The following NCKAP5 variants were observed in gnomAD, a reference collection of about 807,000 sequenced individuals.
The protein encoded by NCKAP5 is nck-associated protein 5.
Under a neutral mutation model 167.0 loss-of-function variants are expected in NCKAP5, and 92 were observed. That is an observed-to-expected ratio of 0.55 (90% confidence interval 0.47 to 0.66). The LOEUF is 0.66. Ranked by LOEUF, NCKAP5 falls within the 30% of genes least tolerant of loss-of-function variation. The pLI is 0.00. For synonymous variants in NCKAP5, 891 were observed against 877.4 expected, an observed-to-expected ratio of 1.02 and a Z score of -0.27; for missense variants, 2,378 against 2,315.0, an observed-to-expected ratio of 1.03 and a Z score of -0.56.
At chr2:133,153,839 T>TTTTTC (rs2083469583) in intron 5 of NCKAP5, among the ~76,000 whole-genome samples, 1 of 148,216 alleles carries the variant, frequency 6.7e-6, no homozygotes, top group African/African-American at 2.5e-5. Context: ...CCTTCTTTTT[T>TTTTTC]TTTTTTTTTT....
chr2:133,143,560 G>A (rs1243193969), intron 5 of NCKAP5, among the ~76,000 whole-genome samples: 1 of 152,120 alleles, frequency 6.6e-6, no homozygotes, highest in Non-Finnish European at 1.5e-5. Flanking sequence ...CAGCCCTACT[G>A]ATGATACGTA....
chr2:133,592,495 A>G, the NCKAP5 span, among the ~76,000 whole-genome samples: 1 of 152,186 alleles, frequency 6.6e-6, no homozygotes, highest in Non-Finnish European at 1.5e-5. Context: ...CTGGAAAACA[A>G]TTTCTTGACT....
intron 3 of NCKAP5, among the ~76,000 whole-genome samples, chr2:133,365,323 G>A (rs1165545720): frequency 6.6e-6 from 1 of 152,164 alleles, no homozygotes; most frequent in Non-Finnish European, 1.5e-5. Context: ...GAAGCACATT[G>A]TCTGATAGAA....
At chr2:133,106,624 A>T (rs1488146054) in intron 6 of NCKAP5, among the ~76,000 whole-genome samples, 1 of 152,148 alleles carries the variant, frequency 6.6e-6, no homozygotes, top group African/African-American at 2.4e-5. Context: ...CTAAGTAATG[A>T]CTTTCTTCTT....
intron 6 of NCKAP5, among the ~76,000 whole-genome samples, chr2:133,065,343 T>C (rs2080154603): frequency 6.6e-6 from 1 of 152,212 alleles, no homozygotes; most frequent in Non-Finnish European, 1.5e-5. Context: ...ATAAAAATTG[T>C]TGGCCAGGCA....
chr2:133,600,481 C>T, the NCKAP5 span, among the ~76,000 whole-genome samples: 16 of 152,328 alleles, frequency 1.1e-4, no homozygotes, highest in South Asian at 1.5e-3. Context: ...AACAATGAGC[C>T]GTCGGGGCGC....
At chr2:132,794,255 TATATATATAGAGAGAGAGAGAGAGAG>T (rs1416396211) in intron 12 of NCKAP5, among the ~76,000 whole-genome samples, 4 of 49,020 alleles carry the variant, frequency 8.2e-5, no homozygotes, top group African/African-American at 2.5e-4. Context: ...TATATATATA[TATATATATAGAGAGAGAGAGAGAGAG>T]AGAGAGAGAG....
At chr2:132,757,390 T>C (rs1435908419) in intron 16 of NCKAP5, among the ~76,000 whole-genome samples, 1 of 152,200 alleles carries the variant, frequency 6.6e-6, no homozygotes, top group Non-Finnish European at 1.5e-5. Flanking sequence ...CATTAAAAAG[T>C]ACCCAGATCA....
intron 6 of NCKAP5, among the ~76,000 whole-genome samples, chr2:133,098,023 C>T (rs567593787): frequency 3.9e-5 from 6 of 152,120 alleles, no homozygotes; most frequent in Non-Finnish European, 7.3e-5. Flanking sequence ...ATGATCTCCT[C>T]AAAAGTTGCA....
At chr2:133,512,697 G>A (rs908175091) in intron 3 of NCKAP5, among the ~76,000 whole-genome samples, 4 of 152,200 alleles carry the variant, frequency 2.6e-5, no homozygotes, top group Non-Finnish European at 4.4e-5. Context: ...AATTCAATAT[G>A]AGGAAGAAGT....
At chr2:133,553,462 G>A (rs1400550713) in intron 2 of NCKAP5, among the ~76,000 whole-genome samples, 1 of 152,152 alleles carries the variant, frequency 6.6e-6, no homozygotes, top group Non-Finnish European at 1.5e-5. Context: ...ACAACTGCAG[G>A]GATTTGGAAA....
At chr2:132,979,470 T>C (rs1348706539) in intron 7 of NCKAP5, among the ~76,000 whole-genome samples, 1 of 152,098 alleles carries the variant, frequency 6.6e-6, no homozygotes, top group African/African-American at 2.4e-5. Flanking sequence ...CCATGCCTAC[T>C]TCCTCCCCAG....
At chr2:133,639,231 T>A in the NCKAP5 span, among the ~76,000 whole-genome samples, 1 of 152,174 alleles carries the variant, frequency 6.6e-6, no homozygotes, top group East Asian at 1.9e-4. Flanking sequence ...GAGTATAAAC[T>A]GATTCAGTAA....
chr2:133,216,348 C>T (rs946479771), intron 4 of NCKAP5, among the ~76,000 whole-genome samples: 5 of 151,940 alleles, frequency 3.3e-5, no homozygotes, highest in Non-Finnish European at 7.4e-5. Flanking sequence ...ATCTGGACTG[C>T]AGCAAGAGGA....
chr2:133,377,455 C>T (rs990141347), intron 3 of NCKAP5, among the ~76,000 whole-genome samples: 2 of 152,116 alleles, frequency 1.3e-5, no homozygotes, highest in African/African-American at 4.8e-5. Context: ...CTTCCTAAAC[C>T]TCATTAAGCA....
chr2:133,541,869 T>C (rs919414502), intron 2 of NCKAP5, among the ~76,000 whole-genome samples: 6 of 152,058 alleles, frequency 3.9e-5, no homozygotes, highest in Admixed American at 2.6e-4. Context: ...CCAAACCACT[T>C]TGCAAAACTA....
chr2:132,946,938 A>G (rs1697793422), intron 8 of NCKAP5, among the ~76,000 whole-genome samples: 1 of 152,180 alleles, frequency 6.6e-6, no homozygotes, highest in Admixed American at 6.5e-5. Flanking sequence ...TTATTACAGG[A>G]TGTATTTTTG....
At chr2:133,082,839 T>C (rs934338975) in intron 6 of NCKAP5, among the ~76,000 whole-genome samples, 9 of 152,186 alleles carry the variant, frequency 5.9e-5, no homozygotes, top group Non-Finnish European at 1.2e-4. Flanking sequence ...GAGAAAATAG[T>C]TGGTGCTTCG....
Position 133,400,190 on chromosome 2 carries a change from A to C in NCKAP5, c.70-97080T>G, listed in dbSNP as rs150319403. 5.9e-5 allele frequency among the ~76,000 whole-genome samples: 9 copies of C among 152,260 alleles called. 1 individual carries two copies. Among genetic ancestry groups the C allele is most frequent in the Admixed American group, 5.9e-4 (9 of 15,290 alleles). On this transcript the variant is annotated intron_variant, in intron 3 of 19. Coordinates refer to ENST00000409261, the MANE Select transcript of NCKAP5 (RefSeq NM_207363.3). Reference sequence around the variant, plus strand: ...TCAGTTAATGAGGATCACAATTTTTAATCTCCCAAAATCCAGCTTCCCATT... The same window carrying C: ...TCAGTTAATGAGGATCACAATTTTTCATCTCCCAAAATCCAGCTTCCCATT...
Sources: allele counts gnomAD v4.1 joint callset (sites outside exome capture counted in the v4.1 genomes callset), GRCh38; gene constraint gnomAD v4.1.1; transcripts MANE v1.5; gene names NCBI Gene and HGNC (gene_info 2026-07-23, HGNC 2026-07-21).